The following ANKS1B variants were observed in gnomAD, a reference collection of about 807,000 sequenced individuals.
The protein encoded by ANKS1B is ankyrin repeat and sterile alpha motif domain-containing protein 1B.
In ANKS1B, 36 loss-of-function variants were observed where a neutral mutation model predicts 148.3. The ratio of observed to expected loss-of-function variants is 0.24; its 90% CI spans 0.19 to 0.32. The LOEUF (loss-of-function observed/expected upper bound fraction) is 0.32, where lower values mean the gene tolerates loss of function less well. Ranked by LOEUF, ANKS1B falls within the 10% of genes least tolerant of loss-of-function variation. The probability of loss-of-function intolerance (pLI) is 1.00; values close to 1 mark genes in which losing one functional copy is unlikely to be tolerated. For missense variants in ANKS1B, 1,157 were observed against 1,542.6 expected (o/e 0.75, Z 4.19); for synonymous variants, 542 against 560.8 (o/e 0.97, Z 0.47).
chr12:99,729,421 A>G (rs2058924669), intron 8 of ANKS1B, among the ~76,000 whole-genome samples: 1 of 152,058 alleles, frequency 6.6e-6, no homozygotes, highest in African/African-American at 2.4e-5. Context: ...TTTAAATTTT[A>G]TAGTTGAGGT....
intron 10 of ANKS1B, among the ~76,000 whole-genome samples, chr12:99,464,328 T>C (rs1271851724): frequency 6.6e-6 from 1 of 151,662 alleles, no homozygotes; most frequent in African/African-American, 2.4e-5. Context: ...TAGATAAAAC[T>C]ACAAAGATGG....
intron 9 of ANKS1B, among the ~76,000 whole-genome samples, chr12:99,592,647 T>A (rs1279344417): frequency 6.6e-6 from 1 of 152,062 alleles, no homozygotes; most frequent in Non-Finnish European, 1.5e-5. Flanking sequence ...AGAAAAAGAA[T>A]GTTAGACTAT....
At chr12:98,760,930 T>A (rs2098391765) in intron 25 of ANKS1B, among the ~76,000 whole-genome samples, 2 of 152,356 alleles carry the variant, frequency 1.3e-5, no homozygotes, top group Middle Eastern at 3.4e-3. Flanking sequence ...TTTCCTTTCA[T>A]AATGATGATA....
intron 17 of ANKS1B, among the ~76,000 whole-genome samples, chr12:99,015,727 G>A (rs755127732): frequency 1.3e-5 from 2 of 152,076 alleles, no homozygotes; most frequent in African/African-American, 2.4e-5. Flanking sequence ...TTAGCCTGGC[G>A]TGGTGGCAGG....
At chr12:99,736,331 T>C (rs1406486179) in intron 8 of ANKS1B, among the ~76,000 whole-genome samples, 1 of 150,178 alleles carries the variant, frequency 6.7e-6, no homozygotes, top group Non-Finnish European at 1.5e-5. Context: ...GACAATTTGA[T>C]CTTATATTTA....
intron 17 of ANKS1B, among the ~76,000 whole-genome samples, chr12:98,932,351 A>T (rs898723988): frequency 6.6e-6 from 1 of 152,192 alleles, no homozygotes; most frequent in African/African-American, 2.4e-5. Flanking sequence ...TTGTGTTCTG[A>T]AAAGCTCCCA....
chr12:98,758,074 T>C (rs769786341), intron 25 of ANKS1B, among the ~76,000 whole-genome samples: 1 of 152,204 alleles, frequency 6.6e-6, no homozygotes, highest in Non-Finnish European at 1.5e-5. Flanking sequence ...TGGATTGTTC[T>C]GATAATGGCT....
intron 8 of ANKS1B, among the ~76,000 whole-genome samples, chr12:99,672,751 A>C (rs1462920025): frequency 6.6e-6 from 1 of 152,144 alleles, no homozygotes; most frequent in Admixed American, 6.6e-5. Flanking sequence ...TCCCCCAGCC[A>C]TAGAATACCT....
In ANKS1B at chr12:99,024,472, G is replaced by A. The variant is rs565429180; in HGVS notation, c.2778+28685C>T. 9.9e-5 allele frequency among the ~76,000 whole-genome samples: 15 copies of A among 152,152 alleles called. No homozygotes were observed. The South Asian group carries it at 3.1e-3, about 32-fold the overall frequency. ...TGATCAAATAAACATTCTTTTACAT[G>A]GGTTTTATAGACCCTTTTGAGAATT... On this transcript the variant is annotated intron_variant, in intron 17 of 26. Coordinates refer to ENST00000683438, the MANE Select transcript of ANKS1B (RefSeq NM_001352186.2).
intron 20 of ANKS1B, among the ~76,000 whole-genome samples, chr12:98,803,504 G>A (rs917658125): frequency 1.3e-5 from 2 of 152,184 alleles, no homozygotes; most frequent in African/African-American, 2.4e-5. Flanking sequence ...GATACAAAAG[G>A]AGGATCTGGA....
intron 19 of ANKS1B, among the ~76,000 whole-genome samples, chr12:98,820,207 T>C (rs1404279842): frequency 6.6e-6 from 1 of 152,232 alleles, no homozygotes; most frequent in Non-Finnish European, 1.5e-5. Flanking sequence ...AACACTGTGG[T>C]TCACACGACA....
intron 15 of ANKS1B, among the ~76,000 whole-genome samples, chr12:99,137,573 T>A (rs188722305): frequency 1.3e-5 from 2 of 152,120 alleles, no homozygotes; most frequent in Non-Finnish European, 2.9e-5. Context: ...GAGATCTGAG[T>A]TGGCGCAGAA....
intron 1 of ANKS1B, among the ~76,000 whole-genome samples, chr12:99,967,447 C>A (rs988270977): frequency 6.6e-6 from 1 of 152,094 alleles, no homozygotes; most frequent in Non-Finnish European, 1.5e-5. Context: ...GAGATTGGGT[C>A]TTGCTCTGTT....
At chr12:99,714,651 A>T (rs761960592) in intron 8 of ANKS1B, among the ~76,000 whole-genome samples, 4 of 152,180 alleles carry the variant, frequency 2.6e-5, no homozygotes, top group Admixed American at 2.0e-4. Flanking sequence ...AATTTAATCA[A>T]TAAATGTTGT....
At chr12:98,784,991 CA>C (rs2098777015) in intron 22 of ANKS1B, among the ~76,000 whole-genome samples, 1 of 152,054 alleles carries the variant, frequency 6.6e-6, no homozygotes, top group African/African-American at 2.4e-5. Flanking sequence ...CCTGACCAGC[CA>C]GAGAGTTCAA....
At chr12:99,698,628 C>G (rs907507223) in intron 8 of ANKS1B, among the ~76,000 whole-genome samples, 1 of 152,166 alleles carries the variant, frequency 6.6e-6, no homozygotes, top group Admixed American at 6.6e-5. Context: ...TAACACTCTA[C>G]AGCAAACAAT....
intron 1 of ANKS1B, among the ~76,000 whole-genome samples, chr12:99,868,480 A>G (rs965008143): frequency 6.6e-6 from 1 of 152,198 alleles, no homozygotes; most frequent in African/African-American, 2.4e-5. Flanking sequence ...GATCCTAGGC[A>G]GTGCAATAAG....
intron 9 of ANKS1B, among the ~76,000 whole-genome samples, chr12:99,506,600 T>A (rs2096714444): frequency 6.6e-6 from 1 of 151,916 alleles, no homozygotes; most frequent in Non-Finnish European, 1.5e-5. Context: ...GTTTTCTCAA[T>A]GATTTGAAAG....
chr12:99,179,237 G>C (rs1271315417), intron 14 of ANKS1B, among the ~76,000 whole-genome samples: 2 of 151,706 alleles, frequency 1.3e-5, no homozygotes, highest in Non-Finnish European at 2.9e-5. Flanking sequence ...GGCCATCCTG[G>C]CTAACACGGT....
Sources: allele counts gnomAD v4.1 joint callset (sites outside exome capture counted in the v4.1 genomes callset), GRCh38; gene constraint gnomAD v4.1.1; transcripts MANE v1.5; gene names NCBI Gene and HGNC (gene_info 2026-07-23, HGNC 2026-07-21).